The following PIK3CD variants were observed in gnomAD, a reference collection of about 807,000 sequenced individuals.
PIK3CD encodes the protein phosphatidylinositol-4,5-bisphosphate 3-kinase catalytic subunit delta.
A neutral mutation model predicts 122.9 loss-of-function variants in PIK3CD; 20 were observed. That is an observed-to-expected ratio of 0.16 (90% CI 0.11 to 0.24). The LOEUF is 0.24. Ranked by LOEUF, PIK3CD falls within the 10% of genes least tolerant of loss-of-function variation. The pLI is 1.00. For missense variants in PIK3CD, 787 were observed against 1,406.3 expected, an observed-to-expected ratio of 0.56 and a Z score of 7.04; for synonymous variants, 596 against 593.4, an observed-to-expected ratio of 1.00 and a Z score of -0.06.
At chr1:9,627,520 C>T in the PIK3CD span, among the ~76,000 whole-genome samples, 1 of 152,242 alleles carries the variant, frequency 6.6e-6, no homozygotes, top group Non-Finnish European at 1.5e-5. Context: ...GGGAGCATGA[C>T]GCTGATCTCA....
At chr1:9,678,634 G>T (rs902316791) in intron 1 of PIK3CD, among the ~76,000 whole-genome samples, 7 of 152,118 alleles carry the variant, frequency 4.6e-5, no homozygotes, top group Non-Finnish European at 4.4e-5. Flanking sequence ...GACTGTTTAG[G>T]TCCAACCTCT....
chr1:9,629,553 C>T, the PIK3CD span, among the ~76,000 whole-genome samples: 1 of 150,048 alleles, frequency 6.7e-6, no homozygotes, highest in South Asian at 2.1e-4. Context: ...GGAGCCACGA[C>T]CCTGCCGTGG....
chr1:9,716,697 A>C (rs189205809), intron 6 of PIK3CD, 78 bp downstream of exon 6: 11 of 1,438,620 alleles, frequency 7.6e-6, no homozygotes, highest in Non-Finnish European at 1.0e-5. Context: ...GGGAGCTGAC[A>C]TTTGGGCGCA....
intron 1 of PIK3CD, chr1:9,654,010 G>T (rs1644760354): frequency 7.6e-7 from 1 of 1,308,428 alleles, no homozygotes; most frequent in East Asian, 5.4e-5. Flanking sequence ...GTTCAAGGTT[G>T]CAGTAAGCTA....
At chr1:9,676,261 T>C (rs963404908) in intron 1 of PIK3CD, among the ~76,000 whole-genome samples, 1 of 151,894 alleles carries the variant, frequency 6.6e-6, no homozygotes, top group Non-Finnish European at 1.5e-5. Flanking sequence ...TTTTTGTAGA[T>C]ATGGGGTCTT....
the PIK3CD span, among the ~76,000 whole-genome samples, chr1:9,643,714 T>C: frequency 2.0e-5 from 3 of 152,134 alleles, no homozygotes; most frequent in Admixed American, 2.0e-4. Flanking sequence ...TTGAGCACCA[T>C]TATTAGTGTC....
the PIK3CD span, among the ~76,000 whole-genome samples, chr1:9,634,243 T>A: frequency 6.8e-6 from 1 of 147,864 alleles, no homozygotes; most frequent in East Asian, 2.1e-4. Context: ...AACCTCCGCC[T>A]TCCAGGTTCA....
At chr1:9,667,942 A>G (rs1296586319) in intron 1 of PIK3CD, among the ~76,000 whole-genome samples, 1 of 132,592 alleles carries the variant, frequency 7.5e-6, no homozygotes, top group African/African-American at 2.9e-5. Flanking sequence ...TAGTAAAGAC[A>G]GGGTTTCGCC....
upstream of PIK3CD, among the ~76,000 whole-genome samples, chr1:9,649,561 G>C (rs1644637665): frequency 6.6e-6 from 1 of 152,088 alleles, no homozygotes; most frequent in Non-Finnish European, 1.5e-5. Context: ...AGCCTCTGGA[G>C]CCAGCACGGG....
In PIK3CD at chr1:9,718,829, C is replaced by T; in HGVS notation, c.1156C>T (p.Arg386Cys). 1 of 1,612,868 alleles carries T rather than the reference C, an allele frequency of 6.2e-7. No homozygotes were observed. Among genetic ancestry groups the T allele is most frequent in the Non-Finnish European group, 8.5e-7 (1 of 1,180,014 alleles). Residue 386 changes from arginine to cysteine, a missense_variant, in exon 9 of 24, where the codon CGC becomes TGC. Physicochemically the swap from Arg to Cys is radical, Grantham distance 180. Around this residue, in one of 6 missense-constraint regions of PIK3CD, gnomAD observed 592 missense variants for 920.6 expected, o/e 0.64. Coordinates refer to ENST00000377346, the MANE Select transcript of PIK3CD (RefSeq NM_005026.5). This position sits in a 1 kb window ranked among gnomAD's most constrained non-coding sequence, Gnocchi z 7.2. Reference sequence around the variant, plus strand: ...CGACATCAACATCTGCGACCTGCCCCGCATGGCCCGTCTCTGCTTTGCGCT... The same window carrying T: ...CGACATCAACATCTGCGACCTGCCCTGCATGGCCCGTCTCTGCTTTGCGCT... ...EFDINICDLP[R>C]MARLCFALYA...
chr1:9,653,824 C>G, intron 1 of PIK3CD: 1 of 1,367,566 alleles, frequency 7.3e-7, no homozygotes. Context: ...TGGTGAGAGG[C>G]CTGCTGGCGG....
intron 2 of PIK3CD, among the ~76,000 whole-genome samples, chr1:9,702,550 TG>T (rs1646685530): frequency 2.9e-5 from 4 of 135,694 alleles, no homozygotes; most frequent in Admixed American, 7.5e-5. Flanking sequence ...GGCAGAGTTT[TG>T]CTCTTGCTGC....
At chr1:9,705,323 C>CAAAAAAAAAAAAAA (rs563873650) in intron 2 of PIK3CD, among the ~76,000 whole-genome samples, 1 of 57,552 alleles carries the variant, frequency 1.7e-5, no homozygotes, top group South Asian at 5.5e-4. Context: ...TTAAAAATAC[C>CAAAAAAAAAAAAAA]AAAAAAAAAA....
chr1:9,666,975 C>T (rs1052992737), intron 1 of PIK3CD, among the ~76,000 whole-genome samples: 5 of 151,954 alleles, frequency 3.3e-5, no homozygotes, highest in Admixed American at 2.0e-4. Context: ...TAGTGATTCT[C>T]CTGCCTCAGC....
intron 1 of PIK3CD, among the ~76,000 whole-genome samples, chr1:9,670,874 C>G (rs756829110): frequency 2.0e-5 from 3 of 151,860 alleles, no homozygotes; most frequent in Non-Finnish European, 4.4e-5. Context: ...TCTCATGCCT[C>G]AGCCTCCCGA....
chr1:9,631,900 T>C, the PIK3CD span, among the ~76,000 whole-genome samples: 1 of 152,226 alleles, frequency 6.6e-6, no homozygotes, highest in Non-Finnish European at 1.5e-5. Context: ...CATCTCACCA[T>C]GTTAAACTGT....
At chr1:9,679,750 A>T (rs1196801183) in intron 1 of PIK3CD, among the ~76,000 whole-genome samples, 1 of 152,062 alleles carries the variant, frequency 6.6e-6, no homozygotes, top group African/African-American at 2.4e-5. Flanking sequence ...AGCTTTATTG[A>T]GCTAGAATTC....
chr1:9,678,506 A>G (rs937617762), intron 1 of PIK3CD, among the ~76,000 whole-genome samples: 7 of 152,134 alleles, frequency 4.6e-5, no homozygotes, highest in Non-Finnish European at 1.0e-4. Context: ...GAACCACGTC[A>G]CCCAGTGGTT....
intron 2 of PIK3CD, among the ~76,000 whole-genome samples, chr1:9,695,215 G>A (rs11801864): frequency 0.11 from 17,160 of 151,990 alleles, 1,532 homozygotes; most frequent in African/African-American, 0.24. Context: ...AAAGACTTAA[G>A]AGATGGAAAA....
Sources: gnomAD v4.1 joint callset for allele counts (sites outside exome capture counted in the v4.1 genomes callset) on GRCh38, gnomAD v4.1.1 for gene constraint, gnomAD v4.1.1 regional missense constraint, Gnocchi (gnomAD v3.1) non-coding constraint, MANE v1.5 for transcripts, NCBI Gene and HGNC (gene_info 2026-07-23, HGNC 2026-07-21) for gene names.